Variants in ADGRL3 observed in about 807,000 individuals in gnomAD.
ADGRL3 encodes calcium-independent alpha-latrotoxin receptor 3.
ADGRL3 carries 62 observed loss-of-function variants against 153.5 expected under a neutral mutation model. The ratio of observed to expected loss-of-function variants is 0.40; its 90% confidence interval spans 0.33 to 0.50. ADGRL3 has a LOEUF of 0.50. Among genes scored for constraint, ADGRL3 ranks in the 20% least tolerant of loss-of-function variants. The pLI is 0.47. For synonymous variants in ADGRL3, 710 were observed against 672.5 expected (o/e 1.06, Z -0.86); for missense variants, 1,641 against 1,859.4 (o/e 0.88, Z 2.16).
intron 9 of ADGRL3, among the ~76,000 whole-genome samples, chr4:61,851,523 A>G (rs2098202645): frequency 6.6e-6 from 1 of 150,908 alleles, no homozygotes; most frequent in Admixed American, 6.6e-5. Flanking sequence ...TGGGAAGTCA[A>G]AGCTGCAAGT....
intron 6 of ADGRL3, among the ~76,000 whole-genome samples, chr4:61,730,066 A>C (rs1051941231): frequency 1.3e-5 from 2 of 151,968 alleles, no homozygotes; most frequent in Non-Finnish European, 2.9e-5. Flanking sequence ...AAGATCATTC[A>C]ACATTAATGT....
At chr4:61,329,348 T>C (rs966963407) in intron 1 of ADGRL3, among the ~76,000 whole-genome samples, 3 of 152,184 alleles carry the variant, frequency 2.0e-5, no homozygotes, top group Non-Finnish European at 4.4e-5. Flanking sequence ...AAAAAACAGA[T>C]AATGATATCA....
At chr4:61,583,488 C>T (rs190250347) in intron 4 of ADGRL3, among the ~76,000 whole-genome samples, 117 of 152,178 alleles carry the variant, frequency 7.7e-4, no homozygotes, top group Admixed American at 3.1e-3. Context: ...TTAATTTCTG[C>T]GGAAAACAAG....
intron 21 of ADGRL3, among the ~76,000 whole-genome samples, chr4:62,025,140 T>C (rs969569794): frequency 6.6e-5 from 10 of 152,034 alleles, no homozygotes; most frequent in African/African-American, 9.7e-5. Flanking sequence ...AAAGATGAAA[T>C]GTTTAGATTT....
chr4:61,522,046 A>C (rs1175824359), intron 4 of ADGRL3, among the ~76,000 whole-genome samples: 1 of 152,106 alleles, frequency 6.6e-6, no homozygotes, highest in Non-Finnish European at 1.5e-5. Context: ...ATCTGCTAGG[A>C]TTTTCATTCA....
intron 8 of ADGRL3, among the ~76,000 whole-genome samples, chr4:61,782,743 G>C (rs1315826128): frequency 6.6e-6 from 1 of 152,058 alleles, no homozygotes; most frequent in Non-Finnish European, 1.5e-5. Flanking sequence ...TTAAATTCAT[G>C]CTGATAGAGA....
At chr4:61,544,252 CTG>C (rs1560814969) in intron 4 of ADGRL3, among the ~76,000 whole-genome samples, 1 of 152,096 alleles carries the variant, frequency 6.6e-6, no homozygotes, top group Non-Finnish European at 1.5e-5. Context: ...GTTCAGTTTT[CTG>C]ATATTTTTTA....
At chr4:61,408,558 A>G (rs1179319996) in intron 2 of ADGRL3, among the ~76,000 whole-genome samples, 4 of 151,990 alleles carry the variant, frequency 2.6e-5, no homozygotes, top group Admixed American at 2.0e-4. Context: ...GGTATGAAGA[A>G]CTGGCTGGAC....
intron 5 of ADGRL3, among the ~76,000 whole-genome samples, chr4:61,590,048 A>G (rs562613598): frequency 3.9e-5 from 6 of 152,206 alleles, no homozygotes; most frequent in Admixed American, 1.3e-4. Context: ...TTCTGCTTCA[A>G]TATCTAACCA....
At chr4:61,329,499 TA>T (rs1394124009) in intron 1 of ADGRL3, among the ~76,000 whole-genome samples, 23 of 152,224 alleles carry the variant, frequency 1.5e-4, no homozygotes, top group Non-Finnish European at 3.4e-4. Context: ...TTTAATTTTT[TA>T]ATTTATAAAA....
intron 4 of ADGRL3, among the ~76,000 whole-genome samples, chr4:61,557,528 G>A (rs1000624959): frequency 2.6e-5 from 4 of 152,084 alleles, no homozygotes; most frequent in African/African-American, 9.7e-5. Context: ...TAAATAAATG[G>A]GCATTTTAAT....
chr4:62,014,204 T>C (rs529856838), intron 21 of ADGRL3, among the ~76,000 whole-genome samples: 77 of 152,268 alleles, frequency 5.1e-4, no homozygotes, highest in African/African-American at 1.8e-3. Flanking sequence ...AATCATGATC[T>C]GGTGATGGCA....
chr4:61,576,442 G>T (rs1345757650), intron 4 of ADGRL3, among the ~76,000 whole-genome samples: 1 of 151,074 alleles, frequency 6.6e-6, no homozygotes, highest in Admixed American at 6.6e-5. Flanking sequence ...AAACAAACTG[G>T]CTACTCTTCC....
intron 1 of ADGRL3, among the ~76,000 whole-genome samples, chr4:61,356,620 G>A (rs1481383934): frequency 1.3e-5 from 2 of 151,914 alleles, no homozygotes; most frequent in Non-Finnish European, 2.9e-5. Context: ...TATTTGACAA[G>A]GTCATTGCAT....
intron 17 of ADGRL3, among the ~76,000 whole-genome samples, chr4:61,966,512 T>C (rs1251250819): frequency 3.9e-5 from 6 of 152,090 alleles, no homozygotes; most frequent in Non-Finnish European, 7.4e-5. Context: ...TTTTCCTTAC[T>C]CTTCAGCTGT....
At chr4:61,781,046 GC>G (rs2097207161) in intron 8 of ADGRL3, among the ~76,000 whole-genome samples, 1 of 152,130 alleles carries the variant, frequency 6.6e-6, no homozygotes, top group African/African-American at 2.4e-5. Context: ...TGTTGTCTCA[GC>G]TGGGCATGGT....
chr4:61,867,491 C>T (rs146531793), intron 9 of ADGRL3, among the ~76,000 whole-genome samples: 4,877 of 89,400 alleles, frequency 0.055, 154 homozygotes, highest in East Asian at 0.15. Context: ...CAGAGGGAGA[C>T]CCTGTCTCAA....
chr4:61,636,726 TATA>T (rs1320518766), intron 5 of ADGRL3, among the ~76,000 whole-genome samples: 2 of 151,296 alleles, frequency 1.3e-5, no homozygotes, highest in Non-Finnish European at 2.9e-5. Context: ...TAAATAGGAA[TATA>T]ATATGTATGT....
At chr4:61,537,369 G>A (rs190443230) in intron 4 of ADGRL3, among the ~76,000 whole-genome samples, 141 of 151,954 alleles carry the variant, frequency 9.3e-4, no homozygotes, top group African/African-American at 3.0e-3. Context: ...GTGATGTTCA[G>A]CTTGTGTTGT....
Sources: allele counts gnomAD v4.1 joint callset (sites outside exome capture counted in the v4.1 genomes callset), GRCh38; gene constraint gnomAD v4.1.1; transcripts MANE v1.5; gene names NCBI Gene and HGNC (gene_info 2026-07-23, HGNC 2026-07-21).